The following LAMA5 variants were observed in gnomAD, a reference collection of about 807,000 sequenced individuals.
LAMA5 encodes laminin subunit alpha 5.
Under a neutral mutation model 433.4 loss-of-function variants are expected in LAMA5, and 260 were observed. The observed-to-expected ratio is 0.60, with a 90% CI of 0.54 to 0.66. The LOEUF (loss-of-function observed/expected upper bound fraction) is 0.66. Among genes scored for constraint, LAMA5 ranks in the 30% least tolerant of loss-of-function variants. The pLI is 0.00. For missense variants in LAMA5, 5,378 were observed against 5,258.5 expected, an observed-to-expected ratio of 1.02 and a Z score of -0.70; for synonymous variants, 2,620 against 2,226.6, an observed-to-expected ratio of 1.18 and a Z score of -4.97.
chr20:62,352,421 T>A, intron 3 of LAMA5, 61 bp from the exon 4 acceptor site: 1 of 1,295,812 alleles, frequency 7.7e-7, no homozygotes, highest in Non-Finnish European at 1.1e-6. Flanking sequence ...GTCCCCGCGG[T>A]GCCCGGGCCC....
At chr20:62,315,575 G>A (rs1473900912) in intron 58 of LAMA5, among the ~76,000 whole-genome samples, 1 of 152,100 alleles carries the variant, frequency 6.6e-6, no homozygotes, top group Non-Finnish European at 1.5e-5. Context: ...CTCTCAGGGT[G>A]GGAGCCCTGG....
chr20:62,361,812 G>T (rs971932718), intron 2 of LAMA5, among the ~76,000 whole-genome samples: 4 of 152,248 alleles, frequency 2.6e-5, no homozygotes, highest in Non-Finnish European at 4.4e-5. Context: ...AGCCAGGCAG[G>T]CCCACCTTGG....
At chr20:62,335,849 C>T (rs1455913234) in intron 18 of LAMA5, among the ~76,000 whole-genome samples, 1 of 147,666 alleles carries the variant, frequency 6.8e-6, no homozygotes, top group Non-Finnish European at 1.5e-5. Context: ...GACTCCAGTA[C>T]CCCCCCAGGA....
chr20:62,318,347 A>AGGGAGGGGAGGACGAGGGGAG lies in LAMA5; in HGVS notation c.7239+86_7239+106dup, dbSNP rs1555873245. Reference sequence around the variant, plus strand: ...GGGAGGACGAGGGAGGGGAGGACGGAGGGAGGGGAGGACGAGGGGAGGGGA... The same window carrying AGGGAGGGGAGGACGAGGGGAG: ...GGGAGGACGAGGGAGGGGAGGACGGAGGGAGGGGAGGACGAGGGGAGGGGAGGGGAGGACGAGGGGAGGGGA... On this transcript the variant is annotated intron_variant, in intron 53 of 79. Coordinates refer to ENST00000252999, the MANE Select transcript of LAMA5 (RefSeq NM_005560.6). The AGGGAGGGGAGGACGAGGGGAG allele has an allele frequency of 1.3e-3, 464 of 356,846 alleles. 4 individuals carry two copies. Among genetic ancestry groups the AGGGAGGGGAGGACGAGGGGAG allele is most frequent in the Middle Eastern group, 2.9e-3 (4 of 1,360 alleles). 22.1% of individuals were successfully genotyped at this position (356,846 alleles called of 1,614,324 possible). A position where few individuals can be genotyped will look rare whatever the true frequency, so the allele number is the denominator to read the frequency against.
rs368549604 is a variant in LAMA5, at chr20:62,333,683, C to T, written c.2902G>A (p.Ala968Thr). The T allele has an allele frequency of 5.1e-5, 82 of 1,594,496 alleles. No homozygotes were observed. The highest frequency in any genetic ancestry group is 6.4e-5 in the Non-Finnish European group (75 of 1,172,432). Residue 968 changes from alanine to threonine, a missense_variant, in exon 24 of 80, where the codon GCC becomes ACC. Coordinates refer to ENST00000252999, the MANE Select transcript of LAMA5 (RefSeq NM_005560.6). Reference protein sequence around the residue: ...ANCTAQSQPVAFPPSTEPAFI... With the variant: ...ANCTAQSQPVTFPPSTEPAFI... ...GCAGGCTCCGTGCTGGGTGGGAAGG[C>T]CACGGGCTGACTCTGTGCTGTGCCT...
In LAMA5 at chr20:62,319,787, C is replaced by T. The variant is rs1987473386; in HGVS notation, c.6768G>A (p.Gly2256=). 1 of 1,545,466 alleles carries T rather than the reference C, an allele frequency of 6.5e-7. No individual in the cohort carries two copies. ...DARRLGGQAV[G]TRDQASQLLA... The stretch of plus-strand genomic sequence containing the variant: ...GCAATTGGCTCGCCTGGTCTCGGGT[C>T]CCCACGGCCTGTGGAGGAAGAGCCC... The change falls in exon 51 of 80, where the codon GGG becomes GGA. Residue 2256 remains glycine, a synonymous_variant. Coordinates refer to ENST00000252999, the MANE Select transcript of LAMA5 (RefSeq NM_005560.6).
chr20:62,310,650 C>A lies in LAMA5; in HGVS notation c.10446+15G>T. On this transcript the variant is annotated intron_variant, in intron 75 of 79. Coordinates refer to ENST00000252999, the MANE Select transcript of LAMA5 (RefSeq NM_005560.6). Reference sequence around the variant, plus strand: ...AGTGGGTGGGGAGTGGGGGCTGGGGCAAGATGGTTCTCACCGGAAGTTTGG... The same window carrying A: ...AGTGGGTGGGGAGTGGGGGCTGGGGAAAGATGGTTCTCACCGGAAGTTTGG... 1.3e-6 allele frequency: 2 copies of A among 1,598,878 alleles called. No individual in the cohort carries two copies. The highest frequency in any genetic ancestry group is 1.7e-6 in the Non-Finnish European group (2 of 1,177,030).
In LAMA5 at chr20:62,325,529, C is replaced by T. The variant is rs201191690; in HGVS notation, c.5316G>A (p.Thr1772=). The T allele has an allele frequency of 2.8e-5, 45 of 1,608,280 alleles. No homozygotes were observed. In the East Asian group the frequency reaches 5.4e-4, roughly 19 times the overall value. The change falls in exon 41 of 80, where the codon ACG becomes ACA. Residue 1772 remains threonine, a synonymous_variant. Coordinates refer to ENST00000252999, the MANE Select transcript of LAMA5 (RefSeq NM_005560.6). The part of the protein sequence containing the change: ...LQLVEGNFRH[T]ETRNTVSREE... ...CGCGGGACACAGTGTTGCGCGTCTCCGTATGCCGGAAGTTCCCCTGTGGGT... is the reference window on the plus strand; with the variant it reads ...CGCGGGACACAGTGTTGCGCGTCTCTGTATGCCGGAAGTTCCCCTGTGGGT...
chr20:62,319,027 GT>G lies in LAMA5; in HGVS notation c.6872-15del. ...GGGACATGAGCTCTGTGGGGCAGGG[GT>G]TCGTCAGAGCCTGGGGCCGCCCGTA... is the stretch of plus-strand genomic sequence containing the variant. On this transcript the variant is annotated splice_polypyrimidine_tract_variant and intron_variant, in intron 51 of 79. Transcript: ENST00000252999. 6.5e-7 allele frequency: 1 copy of G among 1,549,278 alleles called. No homozygotes were observed. Among genetic ancestry groups the G allele is most frequent in the Non-Finnish European group, 8.7e-7 (1 of 1,150,052 alleles).
intron 58 of LAMA5, 122 bp from the exon 59 acceptor site, chr20:62,315,329 C>T (rs1053179889): frequency 2.7e-5 from 21 of 776,198 alleles, no homozygotes; most frequent in African/African-American, 1.7e-4. Flanking sequence ...CGTGTGAGAC[C>T]CTCACACCCC....
intron 28 of LAMA5, among the ~76,000 whole-genome samples, chr20:62,331,556 G>A (rs1458920842): frequency 5.3e-5 from 8 of 151,738 alleles, no homozygotes; most frequent in Non-Finnish European, 8.8e-5. Flanking sequence ...CTCTTATCTC[G>A]AGTGCTGCTT....
chr20:62,339,630 T>TA (rs1236332515), intron 11 of LAMA5, among the ~76,000 whole-genome samples: 1 of 152,044 alleles, frequency 6.6e-6, no homozygotes, highest in Non-Finnish European at 1.5e-5. Context: ...TTGTTACTGA[T>TA]AGAAAAATAA....
Position 62,345,885 on chromosome 20 carries a change from G to T in LAMA5, c.1418-8C>A. The T allele has an allele frequency of 6.4e-7, 1 of 1,555,216 alleles. No individual in the cohort carries two copies. The highest frequency in any genetic ancestry group is 8.7e-7 in the Non-Finnish European group (1 of 1,149,260). On this transcript the variant is annotated splice_region_variant and splice_polypyrimidine_tract_variant and intron_variant, in intron 10 of 79. Transcript: ENST00000252999. ...TGGAGGACGAGGGCGTCGCTGAGGG[G>T]AAGAGACACGCATGTTGGCCAGGTC... is the stretch of plus-strand genomic sequence containing the variant.
At position 62,333,376 on chromosome 20, in the gene LAMA5, T is replaced by G. The variant is rs1253903875; in HGVS notation, c.3127A>C (p.Asn1043His). Reference protein sequence around the residue: ...YRPSAQQSGDNCLLYTHLPLD... With the variant: ...YRPSAQQSGDHCLLYTHLPLD... ...TCCCACCGCACGCATGGCCCTCACT[T>G]GTCGCCAGACTGCTGGGCAGAGGGA... The change falls in exon 25 of 80, where the codon AAC (asparagine) becomes CAC (histidine). Residue 1043 changes from asparagine to histidine, a missense_variant and splice_region_variant. Physicochemically the swap from Asn to His is moderately conservative, Grantham distance 68 (BLOSUM62 1). Coordinates refer to ENST00000252999, the MANE Select transcript of LAMA5 (RefSeq NM_005560.6). 1.9e-6 allele frequency: 3 copies of G among 1,612,490 alleles called. No individual in the cohort carries two copies. The highest frequency in any genetic ancestry group is 2.5e-6 in the Non-Finnish European group (3 of 1,179,848).
intron 50 of LAMA5, 61 bp downstream of exon 50, chr20:62,320,498 C>A (rs374718187): frequency 3.8e-6 from 5 of 1,309,612 alleles, no homozygotes; most frequent in African/African-American, 1.5e-5. Flanking sequence ...TGAGGACAAG[C>A]GAACCGCGGG....
chr20:62,364,530 G>C (rs1413440744), intron 1 of LAMA5, among the ~76,000 whole-genome samples: 1 of 152,232 alleles, frequency 6.6e-6, no homozygotes, highest in Non-Finnish European at 1.5e-5. Flanking sequence ...AGAGGACAGG[G>C]TTGGGAAAAC....
At chr20:62,338,430 G>A in intron 12 of LAMA5, 38 bp downstream of exon 12, 4 of 1,607,762 alleles carry the variant, frequency 2.5e-6, no homozygotes, top group Admixed American at 1.7e-5. Flanking sequence ...TGTCCACCTC[G>A]AGCGCAGGTA....
In LAMA5 at chr20:62,346,898, G is replaced by C. The variant is rs1983476708; in HGVS notation, c.1072+15C>G. On this transcript the variant is annotated intron_variant, in intron 7 of 79. Transcript: ENST00000252999. ...GGTGTGGGCAGGACACACGTGTGTG[G>C]GAGGAGGCACTCACACTGGCACTCG... 1 of 1,609,764 alleles carries C rather than the reference G, an allele frequency of 6.2e-7. No individual in the cohort carries two copies. Among genetic ancestry groups the C allele is most frequent in the Non-Finnish European group, 8.5e-7 (1 of 1,177,034 alleles).
At position 62,338,033 on chromosome 20, in the gene LAMA5, C is replaced by T; in HGVS notation, c.1874G>A (p.Gly625Asp). 1 of 1,599,074 alleles carries T rather than the reference C, an allele frequency of 6.3e-7. No homozygotes were observed. ...HCDRCRPGYHGFPNCQACTCD... is the reference protein window; with the variant it reads ...HCDRCRPGYHDFPNCQACTCD... ...CTGCTCACCTTGGCAGTTGGGGAAA[C>T]CATGGTAGCCAGGGCGGCACCGGTC... The change falls in exon 14 of 80, where the codon GGT becomes GAT. Residue 625 changes from glycine to aspartate, a missense_variant. Transcript: ENST00000252999.
Sources: gnomAD v4.1 joint callset for allele counts (sites outside exome capture counted in the v4.1 genomes callset) on GRCh38, gnomAD v4.1.1 for gene constraint, MANE v1.5 for transcripts, NCBI Gene and HGNC (gene_info 2026-07-23, HGNC 2026-07-21) for gene names.